The following VPS13C variants were observed in gnomAD, a reference collection of about 807,000 sequenced individuals.
The protein encoded by VPS13C is vacuolar protein sorting 13 homolog C.
In VPS13C, 358 loss-of-function variants were observed where a neutral mutation model predicts 456.8. The observed-to-expected ratio is 0.78, with a 90% confidence interval of 0.72 to 0.86. VPS13C has a LOEUF of 0.86. Among genes scored for constraint, VPS13C ranks in the 40% least tolerant of loss-of-function variants. The pLI is 0.00. For missense variants in VPS13C, 4,818 were observed against 4,385.4 expected, an observed-to-expected ratio of 1.10 and a Z score of -2.79; for synonymous variants, 1,578 against 1,486.7, an observed-to-expected ratio of 1.06 and a Z score of -1.41.
At chr15:61,972,916 C>A in intron 26 of VPS13C, 152 bp from the exon 27 acceptor site, 2 of 730,236 alleles carry the variant, frequency 2.7e-6, no homozygotes, top group Non-Finnish European at 4.2e-6. Context: ...AAACTTCTAC[C>A]AAGTGACTCA....
Position 61,964,793 on chromosome 15 carries a change from T to C in VPS13C, c.3120A>G (p.Thr1040=). 2 of 1,612,654 alleles carry C rather than the reference T, an allele frequency of 1.2e-6. No individual in the cohort carries two copies. The highest frequency in any genetic ancestry group is 2.7e-5 in the African/African-American group (2 of 74,964). ...QALVASINYL[T]TIIPSDDQSI... ...TTTGATCATCAGATGGAATAATGGT[T>C]GTGAGGTAATTAATAGAAGCGACAA... is the stretch of plus-strand genomic sequence containing the variant. Residue 1040 remains threonine, a synonymous_variant, in exon 31 of 85, where the codon ACA becomes ACG. Transcript: ENST00000644861.
chr15:61,931,738 G>A (rs11632425), intron 49 of VPS13C, among the ~76,000 whole-genome samples: 46,982 of 151,240 alleles, frequency 0.31, 8,482 homozygotes, highest in Non-Finnish European at 0.39. Context: ...CACCATGCCC[G>A]GCTAATTTTT....
chr15:62,012,052 T>C (rs1292619192), intron 12 of VPS13C, 55 bp downstream of exon 12: 2 of 1,056,644 alleles, frequency 1.9e-6, no homozygotes, highest in South Asian at 1.4e-5. Context: ...TAAAATAATG[T>C]ATTTAATTCT....
rs2045720204 is a variant in VPS13C, at chr15:61,976,957, C to A, written c.2408+125G>T. ...TTTTCTTAAAAATGTATTTCTGCTG[C>A]AAATTGGAATAATCATTTTTGCTGT... On this transcript the variant is annotated intron_variant, in intron 24 of 84. Transcript: ENST00000644861. 4 of 605,958 alleles carry A rather than the reference C, an allele frequency of 6.6e-6. No homozygotes were observed. In the Admixed American group the frequency reaches 9.4e-5, roughly 14 times the overall value. The allele number at this position is 605,958 out of a possible 1,614,324, so 37.5% of individuals were successfully genotyped here. A position where few individuals can be genotyped will look rare whatever the true frequency, so the allele number is the denominator to read the frequency against.
chr15:62,005,332 AT>A (rs1270492474), intron 15 of VPS13C, among the ~76,000 whole-genome samples: 1 of 152,126 alleles, frequency 6.6e-6, no homozygotes, highest in Non-Finnish European at 1.5e-5. Flanking sequence ...AGAGACTAGG[AT>A]TGCAACCCCT....
chr15:61,868,342 A>G (rs1308900728), intron 81 of VPS13C, among the ~76,000 whole-genome samples: 2 of 152,140 alleles, frequency 1.3e-5, no homozygotes, highest in Non-Finnish European at 2.9e-5. Flanking sequence ...AAGTTCCAAT[A>G]ATCAGCTACA....
chr15:61,945,868 C>A lies in VPS13C; in HGVS notation c.4995G>T (p.Leu1665Phe), dbSNP rs751360745. ...GTTGGAACCTAAAGACTTCATCTCC[C>A]AAAATAGAGACAGCCTAAAAGTATT... ...QSIHKKAVSI[L>F]GDEVFRFQLT... Residue 1665 changes from leucine to phenylalanine, a missense_variant, in exon 45 of 85, where the codon TTG (leucine) becomes TTT (phenylalanine). Physicochemically the swap from Leu to Phe is conservative, Grantham distance 22. This residue lies in a region of VPS13C where 4,552 missense variants were observed against 4,130.6 expected (regional missense o/e 1.10). Coordinates refer to ENST00000644861, the MANE Select transcript of VPS13C (RefSeq NM_020821.3). 2 of 1,607,334 alleles carry A rather than the reference C, an allele frequency of 1.2e-6. No individual in the cohort carries two copies. The highest frequency in any genetic ancestry group is 1.7e-5 in the Admixed American group (1 of 58,554).
intron 37 of VPS13C, 77 bp downstream of exon 37, chr15:61,958,531 T>C (rs932489681): frequency 2.1e-5 from 17 of 823,474 alleles, no homozygotes; most frequent in Non-Finnish European, 3.3e-5. Context: ...TTTGTTTACT[T>C]TTTATTTGCT....
chr15:61,919,291 G>A lies in VPS13C; in HGVS notation c.7636C>T (p.Gln2546Ter), dbSNP rs1555419484. ...NKVITLRSPL[Q>*]IKNHFSIAFI... ...TACAATTAACTTTGAAGTATTACCT[G>A]TAGAGGAGAGCGAAGGGTAATTACT... is the stretch of plus-strand genomic sequence containing the variant. Residue 2546 changes from glutamine (Q) to a stop codon, truncating the protein, a stop_gained and splice_region_variant, in exon 58 of 85, where the codon CAG (glutamine) becomes TAG (stop). Transcript: ENST00000644861. LOFTEE classifies it high-confidence loss of function. 2 of 1,593,366 alleles carry A rather than the reference G, an allele frequency of 1.3e-6. No homozygotes were observed. Among genetic ancestry groups the A allele is most frequent in the Non-Finnish European group, 1.7e-6 (2 of 1,171,538 alleles).
intron 5 of VPS13C, among the ~76,000 whole-genome samples, chr15:62,029,878 G>A (rs1054864997): frequency 6.6e-6 from 1 of 152,010 alleles, no homozygotes. Context: ...AAGAATTTTC[G>A]AAATTATATC....
intron 16 of VPS13C, among the ~76,000 whole-genome samples, chr15:61,994,748 C>T (rs150325585): frequency 1.4e-4 from 21 of 151,982 alleles, no homozygotes; most frequent in Admixed American, 6.6e-5. Flanking sequence ...TGCCACCACA[C>T]CCGGCTAATT....
chr15:61,877,018 C>T lies in VPS13C; in HGVS notation c.10179G>A (p.Lys3393=), dbSNP rs779252187. 1.2e-6 allele frequency: 2 copies of T among 1,609,598 alleles called. No individual in the cohort carries two copies. The highest frequency in any genetic ancestry group is 4.5e-5 in the East Asian group (2 of 44,632). Residue 3393 remains lysine, a synonymous_variant, in exon 75 of 85, where the codon AAG becomes AAA. Transcript: ENST00000644861. The part of the protein sequence containing the change: ...AYYEIRYQFY[K]RDQLIWSVVR... The stretch of plus-strand genomic sequence containing the variant: ...CAACACTCCATATAAGCTGATCTCT[C>T]TTGTAGAACTGATATCGAATTTCAT...
chr15:61,950,890 T>TC, intron 40 of VPS13C, 55 bp downstream of exon 40: 1 of 537,786 alleles, frequency 1.9e-6, no homozygotes, highest in Non-Finnish European at 2.6e-6. Context: ...AATATAAGGG[T>TC]AATATAACTT....
chr15:61,897,270 A>G (rs998001938), intron 66 of VPS13C, among the ~76,000 whole-genome samples: 9 of 152,218 alleles, frequency 5.9e-5, no homozygotes, highest in South Asian at 2.1e-4. Flanking sequence ...TTGATGAGCT[A>G]AGAGAAGAAG....
At chr15:62,035,598 A>T (rs1413598106) in intron 3 of VPS13C, among the ~76,000 whole-genome samples, 1 of 152,030 alleles carries the variant, frequency 6.6e-6, no homozygotes, top group Non-Finnish European at 1.5e-5. Flanking sequence ...ATGCAAAGGA[A>T]CTTTGTGCAA....
At chr15:61,914,890 A>C (rs1419440286) in intron 61 of VPS13C, among the ~76,000 whole-genome samples, 1 of 53,082 alleles carries the variant, frequency 1.9e-5, no homozygotes, top group Non-Finnish European at 4.6e-5. Flanking sequence ...AAAAAAAAAA[A>C]AAAAAAAAAA....
chr15:61,917,277 A>T (rs1217330601), intron 60 of VPS13C, 64 bp downstream of exon 60: 2 of 1,527,594 alleles, frequency 1.3e-6, no homozygotes, highest in Admixed American at 3.8e-5. Context: ...TAAAAATACC[A>T]TAAAACAAAA....
chr15:62,028,345 C>G lies in VPS13C; in HGVS notation c.448+13G>C, dbSNP rs752737425. ...GTTTATATAGTTGAATATAATTAAC[C>G]ATGCATACCCACCAGGCTTGATGTC... On this transcript the variant is annotated intron_variant, in intron 6 of 84. Transcript: ENST00000644861. The G allele has an allele frequency of 5.0e-6, 8 of 1,612,222 alleles. No individual in the cohort carries two copies. The East Asian group carries it at 1.3e-4, about 27-fold the overall frequency.
At chr15:62,044,342 T>G (rs781407463) in intron 1 of VPS13C, 87 bp from the exon 2 acceptor site, 6 of 769,710 alleles carry the variant, frequency 7.8e-6, no homozygotes, top group Non-Finnish European at 1.2e-5. Context: ...ACTAAGAAAC[T>G]GGGCTAAGTG....
Sources: allele counts gnomAD v4.1 joint callset (sites outside exome capture counted in the v4.1 genomes callset), GRCh38; gene constraint gnomAD v4.1.1; regional missense constraint gnomAD v4.1.1; transcripts MANE v1.5; gene names NCBI Gene and HGNC (gene_info 2026-07-23, HGNC 2026-07-21).